The following MMP26 variants were observed in gnomAD, a reference collection of about 807,000 sequenced individuals.
The protein encoded by MMP26 is matrix metalloproteinase-26.
Under a neutral mutation model 31.0 loss-of-function variants are expected in MMP26, and 33 were observed. The observed-to-expected ratio is 1.06, with a 90% CI of 0.81 to 1.42. The LOEUF (loss-of-function observed/expected upper bound fraction) is 1.42. MMP26 is among the 40% of genes most tolerant of loss of function. The probability of loss-of-function intolerance (pLI) is 0.00; values close to 1 mark genes in which losing one functional copy is unlikely to be tolerated. For missense variants in MMP26, 347 were observed against 316.1 expected (o/e 1.10, Z -0.74); for synonymous variants, 122 against 114.9 (o/e 1.06, Z -0.40).
At chr11:4,809,556 T>C (rs1375262970) in intron 2 of MMP26, among the ~76,000 whole-genome samples, 1 of 152,130 alleles carries the variant, frequency 6.6e-6, no homozygotes, top group African/African-American at 2.4e-5. Flanking sequence ...AACTGAGAGA[T>C]TTTGCTAAGG....
At chr11:4,907,898 T>G (rs1471100098) in intron 2 of MMP26, 1 of 1,613,974 alleles carries the variant, frequency 6.2e-7, no homozygotes, top group African/African-American at 1.3e-5. Context: ...TCTTTCTCAC[T>G]CATACTGTCT....
rs772696869 is a variant in MMP26 at position 4,804,017 on chromosome 11, C to A, written c.-145+36676C>A. On this transcript the variant is annotated intron_variant, in intron 2 of 7. Transcript: ENST00000380390. ...CAGATAGCCACGTAGCAGTCCAGGG[C>A]CATAGCCATGAGCACCCCAGACTCC... is the stretch of plus-strand genomic sequence containing the variant. 30 of 1,613,730 alleles carry A rather than the reference C, an allele frequency of 1.9e-5. No individual in the cohort carries two copies. The highest frequency in any genetic ancestry group is 2.5e-5 in the Non-Finnish European group (29 of 1,180,006).
chr11:4,754,625 C>A (rs1476608334), intron 1 of MMP26, among the ~76,000 whole-genome samples: 1 of 151,886 alleles, frequency 6.6e-6, no homozygotes, highest in Non-Finnish European at 1.5e-5. Flanking sequence ...TAAGCGTGCC[C>A]ATTTTTACAC....
At chr11:4,756,125 A>C (rs993308686) in intron 1 of MMP26, among the ~76,000 whole-genome samples, 3 of 152,092 alleles carry the variant, frequency 2.0e-5, no homozygotes, top group African/African-American at 4.8e-5. Flanking sequence ...AAAAATGTCA[A>C]AATAATAAAA....
chr11:4,913,343 C>T (rs1227181473), intron 2 of MMP26: 1 of 152,158 alleles, frequency 6.6e-6, no homozygotes, highest in African/African-American at 2.4e-5. Context: ...GGTCCACATA[C>T]ACTTCATAGT....
intron 1 of MMP26, among the ~76,000 whole-genome samples, chr11:4,707,415 T>A (rs1012565747): frequency 1.1e-4 from 16 of 152,204 alleles, no homozygotes; most frequent in African/African-American, 3.6e-4. Flanking sequence ...GTTCTTTATA[T>A]ATTTTGAATA....
intron 2 of MMP26, among the ~76,000 whole-genome samples, chr11:4,860,984 C>T (rs902614281): frequency 6.6e-6 from 1 of 151,486 alleles, no homozygotes; most frequent in Non-Finnish European, 1.5e-5. Flanking sequence ...AATACCATCA[C>T]CAGACACCCA....
chr11:4,715,421 G>T (rs1847916655), intron 1 of MMP26, among the ~76,000 whole-genome samples: 1 of 151,196 alleles, frequency 6.6e-6, no homozygotes, highest in African/African-American at 2.4e-5. Flanking sequence ...GCCACCAAAT[G>T]CTTCCTGAAA....
intron 2 of MMP26, among the ~76,000 whole-genome samples, chr11:4,886,746 G>A (rs150937484): frequency 0.025 from 2,350 of 94,110 alleles, 74 homozygotes; most frequent in African/African-American, 0.061. Context: ...CAGACAGCCT[G>A]TTGGCAAACT....
intron 1 of MMP26, chr11:4,722,910 C>G: frequency 1.3e-6 from 1 of 787,704 alleles, no homozygotes; most frequent in Non-Finnish European, 2.3e-6. Flanking sequence ...CCCCCATAGG[C>G]CGAGCTTAGA....
intron 2 of MMP26, among the ~76,000 whole-genome samples, chr11:4,796,068 C>T (rs868612417): frequency 6.6e-6 from 1 of 152,090 alleles, no homozygotes; most frequent in Non-Finnish European, 1.5e-5. Flanking sequence ...CCCAGAATTC[C>T]TTAGTTAAAG....
intron 1 of MMP26, chr11:4,719,483 C>T (rs1385131599): frequency 2.0e-5 from 3 of 153,776 alleles, no homozygotes; most frequent in Non-Finnish European, 4.4e-5. Flanking sequence ...GTAATGAACC[C>T]CATCATCTAC....
In MMP26 at chr11:4,986,924, TCTCTCTCC is replaced by T. The variant is rs1300902262; in HGVS notation, c.-144-1136_-144-1129del. Among the ~76,000 whole-genome samples, 47 of 108,158 alleles carry T rather than the reference TCTCTCTCC, an allele frequency of 4.3e-4. 1 individual carries two copies. Among genetic ancestry groups the T allele is most frequent in the African/African-American group, 1.2e-3 (34 of 27,504 alleles). 71.0% of individuals were successfully genotyped at this position (108,158 alleles called of 152,430 possible). ...CTTCCTTTCTCTCTCTCTCTCTCTC[TCTCTCTCC>T]CTCTCTCTCTCTCTCTCTCTCTCTC... On this transcript the variant is annotated intron_variant, in intron 2 of 7. Coordinates refer to ENST00000380390, the MANE Select transcript of MMP26 (RefSeq NM_021801.5).
intron 2 of MMP26, among the ~76,000 whole-genome samples, chr11:4,770,799 C>T (rs1848705627): frequency 6.6e-6 from 1 of 151,942 alleles, no homozygotes; most frequent in African/African-American, 2.4e-5. Context: ...GCCAAGATTG[C>T]ACCACCGCAC....
intron 2 of MMP26, among the ~76,000 whole-genome samples, chr11:4,846,661 G>T (rs1189191839): frequency 6.6e-6 from 1 of 151,958 alleles, no homozygotes; most frequent in African/African-American, 2.4e-5. Context: ...AACATCTCAT[G>T]TACCCCATAA....
intron 2 of MMP26, chr11:4,871,758 C>G (rs1159939921): frequency 1.3e-5 from 2 of 152,172 alleles, no homozygotes; most frequent in South Asian, 2.1e-4. Flanking sequence ...GGGGAAAAAT[C>G]TGAGGCCTGA....
At chr11:4,775,206 A>T (rs984802914) in intron 2 of MMP26, among the ~76,000 whole-genome samples, 6 of 152,160 alleles carry the variant, frequency 3.9e-5, no homozygotes, top group African/African-American at 1.4e-4. Context: ...GAATCTATAA[A>T]TTACTTTGGA....
At chr11:4,787,162 A>AT in intron 2 of MMP26, 1 of 152,922 alleles carries the variant, frequency 6.5e-6, no homozygotes, top group East Asian at 1.9e-4. Context: ...ATATGCTACC[A>AT]TCCTGACAGA....
chr11:4,748,686 T>TTA (rs1564900409), intron 1 of MMP26, among the ~76,000 whole-genome samples: 1 of 139,808 alleles, frequency 7.2e-6, no homozygotes, highest in African/African-American at 3.3e-5. Context: ...AGACTTTTTT[T>TTA]AAAAAAAATA....
Sources: gnomAD v4.1 joint callset for allele counts (sites outside exome capture counted in the v4.1 genomes callset) on GRCh38, gnomAD v4.1.1 for gene constraint, MANE v1.5 for transcripts, NCBI Gene and HGNC (gene_info 2026-07-23, HGNC 2026-07-21) for gene names.